The following PCCA variants were observed in gnomAD, a reference collection of about 807,000 sequenced individuals.
PCCA encodes propionyl-CoA carboxylase subunit alpha.
Under a neutral mutation model 101.3 loss-of-function variants are expected in PCCA, and 74 were observed. The ratio of observed to expected loss-of-function variants is 0.73; its 90% confidence interval spans 0.61 to 0.89. The LOEUF is 0.89. Ranked by LOEUF, PCCA falls within the 40% of genes least tolerant of loss-of-function variation. The pLI, the probability that PCCA is intolerant of heterozygous loss-of-function variation, is 0.00. For synonymous variants in PCCA, 294 were observed against 313.6 expected, an observed-to-expected ratio of 0.94 and a Z score of 0.66; for missense variants, 891 against 907.0, an observed-to-expected ratio of 0.98 and a Z score of 0.23.
At chr13:100,142,478 T>C (rs2052000339) in intron 4 of PCCA, among the ~76,000 whole-genome samples, 1 of 149,746 alleles carries the variant, frequency 6.7e-6, no homozygotes, top group Non-Finnish European at 1.5e-5. Flanking sequence ...GAGCCTTCTT[T>C]TTTTTTTTTT....
chr13:100,477,727 A>G (rs1325174680), intron 21 of PCCA, among the ~76,000 whole-genome samples: 4 of 152,212 alleles, frequency 2.6e-5, no homozygotes, highest in African/African-American at 9.6e-5. Context: ...AACAAATAAA[A>G]TGATGGGGTG....
intron 8 of PCCA, among the ~76,000 whole-genome samples, chr13:100,239,747 TG>T (rs1038176789): frequency 6.6e-6 from 1 of 152,204 alleles, no homozygotes; most frequent in Non-Finnish European, 1.5e-5. Context: ...ATCTAAAACC[TG>T]TCCTTTAACA....
At chr13:100,268,389 AAC>A (rs1222042243) in intron 10 of PCCA, among the ~76,000 whole-genome samples, 1 of 152,200 alleles carries the variant, frequency 6.6e-6, no homozygotes, top group Non-Finnish European at 1.5e-5. Flanking sequence ...CCCCTTCACT[AAC>A]ACTCAGTGTC....
At chr13:100,355,456 G>C (rs2073869795) in intron 18 of PCCA, among the ~76,000 whole-genome samples, 1 of 152,078 alleles carries the variant, frequency 6.6e-6, no homozygotes, top group Non-Finnish European at 1.5e-5. Flanking sequence ...TAGAACTAAT[G>C]AGTCCTGGAA....
chr13:100,516,603 A>G (rs1242510153), intron 22 of PCCA, among the ~76,000 whole-genome samples: 1 of 152,218 alleles, frequency 6.6e-6, no homozygotes, highest in African/African-American at 2.4e-5. Context: ...TTTTTCAGAA[A>G]GGCATAAAAG....
At chr13:100,374,035 A>T (rs900980132) in intron 19 of PCCA, among the ~76,000 whole-genome samples, 1 of 152,022 alleles carries the variant, frequency 6.6e-6, no homozygotes, top group African/African-American at 2.4e-5. Flanking sequence ...TCACTTGAAC[A>T]CAGGAGATGG....
intron 4 of PCCA, among the ~76,000 whole-genome samples, chr13:100,141,449 C>G (rs2051858686): frequency 6.6e-6 from 1 of 152,104 alleles, no homozygotes; most frequent in African/African-American, 2.4e-5. Context: ...CTCACTCTGT[C>G]TCCCAGGCTG....
rs138665198 is a variant in PCCA, at chr13:100,360,918, C to T, written c.1644-7554C>T. On this transcript the variant is annotated intron_variant, in intron 18 of 23. Transcript: ENST00000376285. ...CTGAGAAGCAATGTCCTTCAGTAGG[C>T]GAGTGGATAAACTGGTATGTCCGTA... Among the ~76,000 whole-genome samples the T allele has an allele frequency of 2.9e-3, 446 of 152,094 alleles. 3 individuals are homozygous for T. The highest frequency in any genetic ancestry group is 0.02 in the Admixed American group (300 of 15,274).
intron 21 of PCCA, among the ~76,000 whole-genome samples, chr13:100,501,958 T>A (rs1055206735): frequency 3.9e-5 from 6 of 152,092 alleles, no homozygotes; most frequent in African/African-American, 1.4e-4. Flanking sequence ...GTCTGTGGTT[T>A]TACTAGCCCT....
At chr13:100,361,558 A>T (rs906400052) in intron 18 of PCCA, among the ~76,000 whole-genome samples, 3 of 152,206 alleles carry the variant, frequency 2.0e-5, no homozygotes, top group African/African-American at 7.2e-5. Flanking sequence ...TTGTATCCAA[A>T]ATAAAGAACT....
intron 4 of PCCA, among the ~76,000 whole-genome samples, chr13:100,133,531 A>G (rs1280488461): frequency 1.3e-5 from 2 of 152,192 alleles, no homozygotes; most frequent in Non-Finnish European, 2.9e-5. Flanking sequence ...ATTGTTAGAT[A>G]TGTGATCCAT....
intron 20 of PCCA, among the ~76,000 whole-genome samples, chr13:100,436,330 G>A (rs143922843): frequency 1.3e-5 from 2 of 152,204 alleles, no homozygotes; most frequent in African/African-American, 4.8e-5. Flanking sequence ...GACTTGGCTG[G>A]CAATCAGTCT....
At chr13:100,373,758 G>A (rs531121831) in intron 19 of PCCA, among the ~76,000 whole-genome samples, 22 of 152,206 alleles carry the variant, frequency 1.4e-4, no homozygotes, top group African/African-American at 4.6e-4. Context: ...AATTTTATAC[G>A]CGTTTTACCA....
chr13:100,355,233 A>G (rs570515821), intron 18 of PCCA, among the ~76,000 whole-genome samples: 2 of 152,188 alleles, frequency 1.3e-5, no homozygotes, highest in African/African-American at 4.8e-5. Flanking sequence ...ATGCAAAAAA[A>G]AAATCTGACA....
intron 19 of PCCA, among the ~76,000 whole-genome samples, chr13:100,396,982 C>T (rs1350597670): frequency 2.0e-5 from 3 of 152,116 alleles, no homozygotes; most frequent in South Asian, 2.1e-4. Context: ...CGCACCTACA[C>T]TGTTAGGGTA....
chr13:100,489,307 CAAA>C (rs71706045), intron 21 of PCCA, among the ~76,000 whole-genome samples: 3 of 145,392 alleles, frequency 2.1e-5, no homozygotes, highest in Non-Finnish European at 4.6e-5. Context: ...GACTCCGTCT[CAAA>C]AAAAAAAAAG....
chr13:100,506,476 C>T (rs1343437682), intron 21 of PCCA, among the ~76,000 whole-genome samples: 2 of 152,192 alleles, frequency 1.3e-5, no homozygotes, highest in East Asian at 1.9e-4. Context: ...TCTTTACTTT[C>T]GTTTACTCTG....
chr13:100,419,824 T>G (rs990325176), intron 19 of PCCA, among the ~76,000 whole-genome samples: 6 of 152,200 alleles, frequency 3.9e-5, no homozygotes, highest in Middle Eastern at 3.2e-3. Context: ...TCGATTTTGG[T>G]AAAGAGAAGA....
intron 19 of PCCA, among the ~76,000 whole-genome samples, chr13:100,401,954 C>A (rs1429130437): frequency 1.3e-5 from 2 of 152,006 alleles, no homozygotes; most frequent in Non-Finnish European, 2.9e-5. Context: ...GTTTCAAAAT[C>A]TTTTCTTATT....
Sources: allele counts gnomAD v4.1 joint callset (sites outside exome capture counted in the v4.1 genomes callset), GRCh38; gene constraint gnomAD v4.1.1; transcripts MANE v1.5; gene names NCBI Gene and HGNC (gene_info 2026-07-23, HGNC 2026-07-21).